The following CCDC85A variants were observed in gnomAD, a reference collection of about 807,000 sequenced individuals.
The protein encoded by CCDC85A is coiled-coil domain-containing protein 85A.
In CCDC85A, 38 loss-of-function variants were observed where a neutral mutation model predicts 50.2. The observed-to-expected ratio is 0.76, with a 90% CI of 0.58 to 0.99. CCDC85A has a LOEUF of 0.99. CCDC85A is among the 50% of genes least tolerant of loss of function. The pLI, the probability that CCDC85A is intolerant of heterozygous loss-of-function variation, is 0.00. For missense variants in CCDC85A, 820 were observed against 742.0 expected, an observed-to-expected ratio of 1.11 and a Z score of -1.22; for synonymous variants, 366 against 301.4, an observed-to-expected ratio of 1.21 and a Z score of -2.22.
intron 2 of CCDC85A, among the ~76,000 whole-genome samples, chr2:56,337,764 T>A (rs1411819268): frequency 1.3e-5 from 2 of 151,798 alleles, no homozygotes; most frequent in Non-Finnish European, 2.9e-5. Context: ...GCTTATAAGT[T>A]TCTTGAATAT....
intron 2 of CCDC85A, among the ~76,000 whole-genome samples, chr2:56,212,543 AT>A (rs895837411): frequency 7.2e-5 from 11 of 152,042 alleles, no homozygotes; most frequent in Non-Finnish European, 1.0e-4. Flanking sequence ...ATAAATACAT[AT>A]TTGGGAGGAA....
intron 3 of CCDC85A, among the ~76,000 whole-genome samples, chr2:56,355,581 G>T (rs1385400500): frequency 6.6e-6 from 1 of 152,076 alleles, no homozygotes; most frequent in South Asian, 2.1e-4. Context: ...ATAGGTTAGT[G>T]ATATAGAAGC....
At chr2:56,185,289 G>A (rs989662482) in intron 1 of CCDC85A, among the ~76,000 whole-genome samples, 14 of 152,222 alleles carry the variant, frequency 9.2e-5, no homozygotes, top group Non-Finnish European at 1.9e-4. Flanking sequence ...CTTCGCCTTG[G>A]AGGGTCGGGA....
Position 56,264,483 on chromosome 2 carries a change from G to T in CCDC85A, c.1240+71043G>T, listed in dbSNP as rs539251585. ...CCCAAACCACCTGCAAATCCTTTCAGCTCTATTTTCAAAACATATCCAGAA... is the reference window on the plus strand; with the variant it reads ...CCCAAACCACCTGCAAATCCTTTCATCTCTATTTTCAAAACATATCCAGAA... On this transcript the variant is annotated intron_variant, in intron 2 of 5. Coordinates refer to ENST00000407595, the MANE Select transcript of CCDC85A (RefSeq NM_001080433.2). Among the ~76,000 whole-genome samples the T allele has an allele frequency of 1.4e-3, 214 of 152,142 alleles. 1 individual carries two copies. In the Middle Eastern group the frequency reaches 0.02, roughly 15 times the overall value.
At chr2:56,364,985 G>T (rs1455283142) in intron 3 of CCDC85A, among the ~76,000 whole-genome samples, 3 of 152,086 alleles carry the variant, frequency 2.0e-5, no homozygotes, top group African/African-American at 7.2e-5. Context: ...TACATCTGTG[G>T]CTCCACATAG....
chr2:56,336,945 A>G (rs554993081), intron 2 of CCDC85A, among the ~76,000 whole-genome samples: 2 of 152,342 alleles, frequency 1.3e-5, no homozygotes, highest in South Asian at 4.1e-4. Flanking sequence ...AGTAGATCCA[A>G]TATGAGAATT....
chr2:56,295,807 C>T (rs528711582), intron 2 of CCDC85A, among the ~76,000 whole-genome samples: 1 of 152,306 alleles, frequency 6.6e-6, no homozygotes, highest in African/African-American at 2.4e-5. Flanking sequence ...CCTCCCTCCC[C>T]TATCATAACA....
At chr2:56,320,509 C>T (rs1673126425) in intron 2 of CCDC85A, among the ~76,000 whole-genome samples, 1 of 152,150 alleles carries the variant, frequency 6.6e-6, no homozygotes. Context: ...ATACTATAAA[C>T]ACCTCTACAC....
At chr2:56,379,136 T>C (rs1245438644) in intron 5 of CCDC85A, among the ~76,000 whole-genome samples, 1 of 152,110 alleles carries the variant, frequency 6.6e-6, no homozygotes, top group Non-Finnish European at 1.5e-5. Flanking sequence ...TCATGAAAAA[T>C]ATTTAAAGTG....
chr2:56,296,979 AG>A (rs1214435695), intron 2 of CCDC85A, among the ~76,000 whole-genome samples: 1 of 152,182 alleles, frequency 6.6e-6, no homozygotes, highest in Non-Finnish European at 1.5e-5. Context: ...TTTATTATAC[AG>A]GCTCAGTAGT....
At chr2:56,363,482 T>G (rs534526697) in intron 3 of CCDC85A, among the ~76,000 whole-genome samples, 1 of 152,346 alleles carries the variant, frequency 6.6e-6, no homozygotes, top group East Asian at 1.9e-4. Flanking sequence ...GATAGGTAGC[T>G]GTAAGGATAC....
intron 5 of CCDC85A, among the ~76,000 whole-genome samples, 169 bp downstream of exon 5, chr2:56,376,104 C>T (rs1014350280): frequency 6.6e-6 from 1 of 152,050 alleles, no homozygotes; most frequent in African/African-American, 2.4e-5. Flanking sequence ...TTTTATTGTT[C>T]TAAACTGACA....
At chr2:56,291,594 G>GATCT in intron 2 of CCDC85A, among the ~76,000 whole-genome samples, 1 of 152,156 alleles carries the variant, frequency 6.6e-6, no homozygotes, top group Non-Finnish European at 1.5e-5. Context: ...AGAGAGATCA[G>GATCT]TAAGTACAAA....
intron 2 of CCDC85A, among the ~76,000 whole-genome samples, chr2:56,261,171 C>T (rs1670201602): frequency 6.6e-6 from 1 of 152,176 alleles, no homozygotes; most frequent in Non-Finnish European, 1.5e-5. Flanking sequence ...ATAATGAAAC[C>T]TCCTTCATCA....
chr2:56,305,638 C>CA (rs1672409237), intron 2 of CCDC85A, among the ~76,000 whole-genome samples: 1 of 152,230 alleles, frequency 6.6e-6, no homozygotes, highest in Admixed American at 6.5e-5. Context: ...GATTAGGTTT[C>CA]AACAATGACA....
At chr2:56,320,483 A>G (rs1440916165) in intron 2 of CCDC85A, among the ~76,000 whole-genome samples, 1 of 152,222 alleles carries the variant, frequency 6.6e-6, no homozygotes, top group African/African-American at 2.4e-5. Context: ...ACAGAAATAC[A>G]AACTACCATC....
intron 3 of CCDC85A, among the ~76,000 whole-genome samples, chr2:56,366,881 C>A (rs1316108747): frequency 6.6e-6 from 1 of 152,116 alleles, no homozygotes; most frequent in African/African-American, 2.4e-5. Context: ...TTTCTTTCAT[C>A]TTTTATGATT....
Position 56,340,191 on chromosome 2 carries a change from G to A in CCDC85A, c.1241-2688G>A, listed in dbSNP as rs555723953. 2.0e-5 allele frequency among the ~76,000 whole-genome samples: 3 copies of A among 152,318 alleles called. No homozygotes were observed. In the South Asian group the frequency reaches 6.2e-4, roughly 32 times the overall value. The stretch of plus-strand genomic sequence containing the variant: ...TTGTGAATTAAGGACTGATGCTTAT[G>A]TATTTTAGAAAATAAAGTGTTAGCT... On this transcript the variant is annotated intron_variant, in intron 2 of 5. Coordinates refer to ENST00000407595, the MANE Select transcript of CCDC85A (RefSeq NM_001080433.2).
chr2:56,331,019 A>G (rs1177211963), intron 2 of CCDC85A, among the ~76,000 whole-genome samples: 5 of 151,716 alleles, frequency 3.3e-5, no homozygotes, highest in South Asian at 2.1e-4. Context: ...TGGTATATGT[A>G]TAGACACAAT....
Sources: allele counts gnomAD v4.1 joint callset (sites outside exome capture counted in the v4.1 genomes callset), GRCh38; gene constraint gnomAD v4.1.1; transcripts MANE v1.5; gene names NCBI Gene and HGNC (gene_info 2026-07-23, HGNC 2026-07-21).